Variants in OSBPL10 observed in about 807,000 individuals in gnomAD.
OSBPL10 encodes oxysterol binding protein like 10.
A neutral mutation model predicts 81.7 loss-of-function variants in OSBPL10; 49 were observed. The observed-to-expected ratio is 0.60, with a 90% confidence interval of 0.48 to 0.76. The LOEUF (loss-of-function observed/expected upper bound fraction) is 0.76. OSBPL10 is among the 30% of genes least tolerant of loss of function. OSBPL10 has a pLI of 0.00. For missense variants in OSBPL10, 923 were observed against 987.8 expected, an observed-to-expected ratio of 0.93 and a Z score of 0.88; for synonymous variants, 419 against 383.6, an observed-to-expected ratio of 1.09 and a Z score of -1.08.
intron 2 of OSBPL10, among the ~76,000 whole-genome samples, chr3:31,997,766 C>T (rs1036140948): frequency 2.0e-5 from 3 of 151,850 alleles, no homozygotes; most frequent in African/African-American, 7.3e-5. Flanking sequence ...CTCGCTGAGC[C>T]TCAGTGTTTT....
At chr3:31,973,968 C>A (rs1284041863) in intron 1 of OSBPL10, among the ~76,000 whole-genome samples, 2 of 152,178 alleles carry the variant, frequency 1.3e-5, no homozygotes, top group Non-Finnish European at 2.9e-5. Flanking sequence ...TGTGGTATAT[C>A]CACAGGACAT....
chr3:32,071,009 T>G (rs1033721307), intron 1 of OSBPL10, among the ~76,000 whole-genome samples: 1 of 152,180 alleles, frequency 6.6e-6, no homozygotes, highest in Non-Finnish European at 1.5e-5. Context: ...TTCTTTCCAC[T>G]CCTCTGCTTC....
Position 31,748,110 on chromosome 3 carries a change from T to G in OSBPL10, c.740A>C (p.Gln247Pro). 1 of 1,612,522 alleles carries G rather than the reference T, an allele frequency of 6.2e-7. No individual in the cohort carries two copies. Among genetic ancestry groups the G allele is most frequent in the Non-Finnish European group, 8.5e-7 (1 of 1,179,252 alleles). ...QLHEVREMMN[Q>P]VEGQQKNLVH... ...AAGGTTCTTCTGCTGCCCTTCCACCTGGTTCATCATCTACAAAACAAGAAG... is the reference window on the plus strand; with the variant it reads ...AAGGTTCTTCTGCTGCCCTTCCACCGGGTTCATCATCTACAAAACAAGAAG... Residue 247 changes from glutamine to proline, a missense_variant, in exon 5 of 12, where the codon CAG (glutamine) becomes CCG (proline). Coordinates refer to ENST00000396556, the MANE Select transcript of OSBPL10 (RefSeq NM_017784.5).
At chr3:31,776,791 G>C (rs1335620726) in intron 4 of OSBPL10, among the ~76,000 whole-genome samples, 1 of 152,120 alleles carries the variant, frequency 6.6e-6, no homozygotes, top group Non-Finnish European at 1.5e-5. Flanking sequence ...GGGGAGGAGG[G>C]AAGGGAGGGC....
chr3:31,872,466 T>TC (rs2125623596), intron 3 of OSBPL10, among the ~76,000 whole-genome samples: 1 of 151,902 alleles, frequency 6.6e-6, no homozygotes, highest in African/African-American at 2.4e-5. Context: ...TTTTTTTTTT[T>TC]TTAAGTCTGG....
At chr3:32,077,134 T>C (rs1699882550) in intron 1 of OSBPL10, among the ~76,000 whole-genome samples, 1 of 152,184 alleles carries the variant, frequency 6.6e-6, no homozygotes, top group Admixed American at 6.5e-5. Flanking sequence ...TTTTAAACTA[T>C]AAACTAAGTT....
chr3:31,879,926 G>T, intron 1 of OSBPL10, 96 bp from the exon 2 acceptor site: 1 of 1,283,000 alleles, frequency 7.8e-7, no homozygotes. Context: ...TCAACATCAA[G>T]ACTCCACATC....
intron 1 of OSBPL10, among the ~76,000 whole-genome samples, chr3:31,886,048 G>C (rs1044728771): frequency 6.7e-6 from 1 of 149,466 alleles, no homozygotes; most frequent in African/African-American, 2.5e-5. Flanking sequence ...GAGATGGGGG[G>C]TGGGGGGCTG....
At chr3:31,753,265 G>GC (rs1697775576) in intron 4 of OSBPL10, among the ~76,000 whole-genome samples, 5 of 148,902 alleles carry the variant, frequency 3.4e-5, no homozygotes. Flanking sequence ...TCAGCTCACC[G>GC]CAACTTCCGC....
chr3:31,783,569 T>A (rs191485918), intron 4 of OSBPL10, among the ~76,000 whole-genome samples: 1 of 151,302 alleles, frequency 6.6e-6, no homozygotes, highest in East Asian at 2.0e-4. Context: ...GGCGGGCAGA[T>A]CACTTGAGGT....
chr3:31,723,259 G>T (rs1412272227), intron 6 of OSBPL10, among the ~76,000 whole-genome samples: 1 of 152,148 alleles, frequency 6.6e-6, no homozygotes, highest in Non-Finnish European at 1.5e-5. Flanking sequence ...TGTTATCTGA[G>T]AGAGAGAAAA....
intron 1 of OSBPL10, 96 bp downstream of exon 1, chr3:31,980,803 G>A (rs1698813454): frequency 1.5e-6 from 2 of 1,347,302 alleles, no homozygotes; most frequent in East Asian, 6.2e-5. Flanking sequence ...ACAATCGCGC[G>A]CGCACACACA....
chr3:31,700,443 C>T (rs1254725620), intron 7 of OSBPL10: 17 of 152,062 alleles, frequency 1.1e-4, no homozygotes, highest in Non-Finnish European at 1.5e-5. Context: ...CTCTTACAAT[C>T]TCTTTCCTCC....
chr3:31,881,059 C>T (rs1222267419), intron 1 of OSBPL10, among the ~76,000 whole-genome samples: 1 of 152,178 alleles, frequency 6.6e-6, no homozygotes, highest in Non-Finnish European at 1.5e-5. Context: ...CCCTTCTTGC[C>T]GTGTCAAGTT....
intron 2 of OSBPL10, among the ~76,000 whole-genome samples, chr3:32,021,998 CA>C (rs1356286711): frequency 1.3e-5 from 2 of 149,450 alleles, no homozygotes; most frequent in African/African-American, 2.5e-5. Flanking sequence ...AAAAGTAAAA[CA>C]AAATATGTAT....
rs548398495 is a variant in OSBPL10, at chr3:31,853,482, G to A, written c.537+22951C>T. Among the ~76,000 whole-genome samples the A allele has an allele frequency of 2.0e-4, 30 of 152,236 alleles. 1 individual carries two copies. Among genetic ancestry groups the A allele is most frequent in the Admixed American group, 1.6e-3 (24 of 15,294 alleles). ...ACCACAGGCAAGAGTGGTAGGGAAG[G>A]TCAATGCTGGGCAGAAAGAAAAATG... is the stretch of plus-strand genomic sequence containing the variant. On this transcript the variant is annotated intron_variant, in intron 3 of 11. Transcript: ENST00000396556.
At chr3:31,955,478 C>A (rs960813495) in intron 1 of OSBPL10, among the ~76,000 whole-genome samples, 2 of 152,202 alleles carry the variant, frequency 1.3e-5, no homozygotes, top group Non-Finnish European at 2.9e-5. Context: ...CATGGCACTG[C>A]AGCCACAGCT....
At chr3:31,796,385 G>A (rs1012897839) in intron 4 of OSBPL10, among the ~76,000 whole-genome samples, 1 of 151,960 alleles carries the variant, frequency 6.6e-6, no homozygotes, top group African/African-American at 2.4e-5. Flanking sequence ...CCCAAAAAAG[G>A]TAATCTAGAG....
chr3:31,978,755 T>A (rs1698750877), intron 1 of OSBPL10, among the ~76,000 whole-genome samples: 1 of 152,154 alleles, frequency 6.6e-6, no homozygotes, highest in African/African-American at 2.4e-5. Context: ...AGATGAGACA[T>A]CACTTAAGCA....
Sources: gnomAD v4.1 joint callset for allele counts (sites outside exome capture counted in the v4.1 genomes callset) on GRCh38, gnomAD v4.1.1 for gene constraint, MANE v1.5 for transcripts, NCBI Gene and HGNC (gene_info 2026-07-23, HGNC 2026-07-21) for gene names.